LHFPL3: variants seen among roughly 807,000 people sequenced by gnomAD.
LHFPL3 encodes the protein LHFPL tetraspan subfamily member 3 protein.
A neutral mutation model predicts 19.3 loss-of-function variants in LHFPL3; 5 were observed. The ratio of observed to expected loss-of-function variants is 0.26; its 90% confidence interval spans 0.14 to 0.54. The LOEUF is 0.54. LHFPL3 is among the 20% of genes least tolerant of loss of function. The pLI is 0.94. For missense variants in LHFPL3, 249 were observed against 307.4 expected (o/e 0.81, Z 1.42); for synonymous variants, 133 against 126.2 (o/e 1.05, Z -0.36).
At chr7:104,747,527 A>G (rs1794071460) in intron 2 of LHFPL3, among the ~76,000 whole-genome samples, 1 of 152,262 alleles carries the variant, frequency 6.6e-6, no homozygotes, top group Non-Finnish European at 1.5e-5. Flanking sequence ...TGTCCAGAAC[A>G]TATCTTTACT....
intron 1 of LHFPL3, among the ~76,000 whole-genome samples, chr7:104,477,919 G>T (rs927503122): frequency 4.6e-5 from 7 of 152,148 alleles, no homozygotes; most frequent in Admixed American, 4.6e-4. Context: ...ATCCAGACAC[G>T]TGAACAGTAT....
intron 1 of LHFPL3, among the ~76,000 whole-genome samples, chr7:104,537,604 C>A (rs950039061): frequency 7.2e-5 from 11 of 152,150 alleles, no homozygotes; most frequent in Non-Finnish European, 1.5e-5. Flanking sequence ...TTTTATCTGT[C>A]CTGATAATCA....
intron 1 of LHFPL3, among the ~76,000 whole-genome samples, chr7:104,346,492 C>T (rs1790068430): frequency 6.6e-6 from 1 of 152,050 alleles, no homozygotes; most frequent in Admixed American, 6.5e-5. Flanking sequence ...CAATGGGGAA[C>T]AGGATGGGAG....
At chr7:104,547,826 C>A (rs903014501) in intron 1 of LHFPL3, among the ~76,000 whole-genome samples, 2 of 152,150 alleles carry the variant, frequency 1.3e-5, no homozygotes, top group East Asian at 3.8e-4. Flanking sequence ...TTTGGCCATT[C>A]CCACCTCAGT....
chr7:104,844,451 A>G (rs1791274319), intron 2 of LHFPL3, among the ~76,000 whole-genome samples: 1 of 152,224 alleles, frequency 6.6e-6, no homozygotes, highest in South Asian at 2.1e-4. Flanking sequence ...GCTTTAGGAT[A>G]ATCCAGAATG....
intron 1 of LHFPL3, among the ~76,000 whole-genome samples, chr7:104,521,841 C>T (rs1162654000): frequency 6.6e-6 from 1 of 152,148 alleles, no homozygotes; most frequent in Non-Finnish European, 1.5e-5. Context: ...AATGAGATAC[C>T]ATCTCACACT....
chr7:104,463,030 G>A (rs1186562112), intron 1 of LHFPL3, among the ~76,000 whole-genome samples: 1 of 152,150 alleles, frequency 6.6e-6, no homozygotes, highest in African/African-American at 2.4e-5. Flanking sequence ...ATGCATAGAG[G>A]TATCCATAGT....
intron 1 of LHFPL3, among the ~76,000 whole-genome samples, chr7:104,730,844 G>T (rs9719110): frequency 6.6e-6 from 1 of 151,968 alleles, no homozygotes; most frequent in African/African-American, 2.4e-5. Context: ...GAATTGTATC[G>T]CCTAGGTTTT....
intron 1 of LHFPL3, among the ~76,000 whole-genome samples, chr7:104,566,659 C>T (rs1790131479): frequency 6.6e-6 from 1 of 152,150 alleles, no homozygotes; most frequent in South Asian, 2.1e-4. Flanking sequence ...AGGCATCATA[C>T]CTTTCTTTCC....
intron 2 of LHFPL3, among the ~76,000 whole-genome samples, chr7:104,771,383 A>C (rs1794547566): frequency 6.6e-6 from 1 of 152,116 alleles, no homozygotes; most frequent in Non-Finnish European, 1.5e-5. Context: ...AAGGGGACAG[A>C]GGTGATTTTC....
intron 1 of LHFPL3, among the ~76,000 whole-genome samples, chr7:104,697,808 T>G (rs1292882874): frequency 6.6e-6 from 1 of 152,218 alleles, no homozygotes; most frequent in Non-Finnish European, 1.5e-5. Flanking sequence ...TTTGTGCTCA[T>G]GGAGCAACAG....
intron 2 of LHFPL3, among the ~76,000 whole-genome samples, chr7:104,824,361 TTA>T (rs1344691836): frequency 0.013 from 412 of 32,876 alleles, 16 homozygotes; most frequent in African/African-American, 0.047. Flanking sequence ...TAATATATAA[TTA>T]TATATATTTT....
At chr7:104,553,984 A>G (rs1794709962) in intron 1 of LHFPL3, among the ~76,000 whole-genome samples, 1 of 152,140 alleles carries the variant, frequency 6.6e-6, no homozygotes, top group Non-Finnish European at 1.5e-5. Flanking sequence ...TCTGTCCCAA[A>G]GTGCTTCCCA....
chr7:104,346,238 G>A (rs1283201204), intron 1 of LHFPL3, among the ~76,000 whole-genome samples: 1 of 151,560 alleles, frequency 6.6e-6, no homozygotes, highest in Non-Finnish European at 1.5e-5. Flanking sequence ...GTTTTGGCAT[G>A]TTGGCCAGGC....
chr7:104,604,376 G>C (rs1229819057), intron 1 of LHFPL3, among the ~76,000 whole-genome samples: 2 of 152,158 alleles, frequency 1.3e-5, no homozygotes, highest in Non-Finnish European at 2.9e-5. Flanking sequence ...ATTCTGCCCC[G>C]CTAGAGCTCT....
chr7:104,790,553 A>G (rs1010465990), intron 2 of LHFPL3, among the ~76,000 whole-genome samples: 1 of 152,174 alleles, frequency 6.6e-6, no homozygotes. Flanking sequence ...TAAACCACCT[A>G]GGTACAACAT....
intron 1 of LHFPL3, among the ~76,000 whole-genome samples, chr7:104,595,334 C>T (rs1790825753): frequency 6.6e-6 from 1 of 152,204 alleles, no homozygotes; most frequent in South Asian, 2.1e-4. Flanking sequence ...GCTGGAGTTC[C>T]ACTCCAGACC....
At chr7:104,724,132 AGTG>A (rs141479378) in intron 1 of LHFPL3, among the ~76,000 whole-genome samples, 5,292 of 152,294 alleles carry the variant, frequency 0.035, 304 homozygotes, top group African/African-American at 0.12. Flanking sequence ...GTTAGTTTCC[AGTG>A]GCTATACAAA....
intron 2 of LHFPL3, among the ~76,000 whole-genome samples, chr7:104,827,210 T>G (rs2116545285): frequency 6.6e-6 from 1 of 152,180 alleles, no homozygotes; most frequent in East Asian, 1.9e-4. Flanking sequence ...CAGCCAGTTC[T>G]CCATGTGGTA....
Sources: gnomAD v4.1 joint callset for allele counts (sites outside exome capture counted in the v4.1 genomes callset) on GRCh38, gnomAD v4.1.1 for gene constraint, MANE v1.5 for transcripts, NCBI Gene and HGNC (gene_info 2026-07-23, HGNC 2026-07-21) for gene names.